The following UBXN7 variants were observed in gnomAD, a reference collection of about 807,000 sequenced individuals.
UBXN7 encodes the protein UBX domain-containing protein 7.
In UBXN7, 9 loss-of-function variants were observed where a neutral mutation model predicts 58.0. That is an observed-to-expected ratio of 0.16 (90% CI 0.09 to 0.27). The LOEUF is 0.27. Among genes scored for constraint, UBXN7 ranks in the 10% least tolerant of loss-of-function variants. The probability of loss-of-function intolerance (pLI) is 1.00; values close to 1 mark genes in which losing one functional copy is unlikely to be tolerated. For synonymous variants in UBXN7, 208 were observed against 205.0 expected (o/e 1.01, Z -0.12); for missense variants, 328 against 599.6 (o/e 0.55, Z 4.73).
chr3:196,405,681 C>A (rs1032175373), intron 2 of UBXN7, among the ~76,000 whole-genome samples: 1 of 152,056 alleles, frequency 6.6e-6, no homozygotes, highest in African/African-American at 2.4e-5. Flanking sequence ...AAGTAGTACA[C>A]TTGTCCTTAC....
At chr3:196,427,356 C>T (rs1459428413) in intron 1 of UBXN7, among the ~76,000 whole-genome samples, 1 of 152,218 alleles carries the variant, frequency 6.6e-6, no homozygotes, top group Non-Finnish European at 1.5e-5. Context: ...CTCGCTCTGT[C>T]GCCCAGGCTG....
At chr3:196,428,141 AAAAC>A (rs1350132343) in intron 1 of UBXN7, among the ~76,000 whole-genome samples, 3 of 151,758 alleles carry the variant, frequency 2.0e-5, no homozygotes, top group African/African-American at 4.8e-5. Flanking sequence ...AACAAAAACA[AAAAC>A]AAACAAAAAG....
At chr3:196,396,988 C>CAA (rs1227136151) in intron 3 of UBXN7, among the ~76,000 whole-genome samples, 4 of 152,110 alleles carry the variant, frequency 2.6e-5, no homozygotes, top group African/African-American at 9.7e-5. Flanking sequence ...TCCTTCTACC[C>CAA]AATTCCTTTT....
chr3:196,359,522 A>G (rs779359634), intron 10 of UBXN7, among the ~76,000 whole-genome samples: 5 of 152,228 alleles, frequency 3.3e-5, no homozygotes, highest in Non-Finnish European at 7.3e-5. Context: ...GACAGACACA[A>G]AGCTAGGCCT....
chr3:196,365,802 G>A (rs887557103), intron 8 of UBXN7, among the ~76,000 whole-genome samples: 9 of 151,984 alleles, frequency 5.9e-5, no homozygotes, highest in African/African-American at 1.7e-4. Context: ...AAGTAGTCAC[G>A]TATCTACCGA....
intron 5 of UBXN7, among the ~76,000 whole-genome samples, chr3:196,388,018 C>G (rs1270797254): frequency 5.3e-5 from 8 of 152,022 alleles, no homozygotes; most frequent in African/African-American, 9.7e-5. Context: ...GCACTATTCA[C>G]AACAGCAAAG....
At chr3:196,412,931 T>C (rs562694621) in intron 1 of UBXN7, among the ~76,000 whole-genome samples, 14 of 151,976 alleles carry the variant, frequency 9.2e-5, no homozygotes, top group Admixed American at 6.6e-4. Flanking sequence ...GAACAGGGAG[T>C]TCTTGTTTAA....
intron 2 of UBXN7, among the ~76,000 whole-genome samples, chr3:196,406,709 G>T (rs1055776873): frequency 2.6e-4 from 40 of 151,798 alleles, no homozygotes; most frequent in Admixed American, 3.3e-4. Context: ...CTCCCAAAGT[G>T]CCGGGATTAC....
chr3:196,416,597 G>A (rs911426996), intron 1 of UBXN7, among the ~76,000 whole-genome samples: 1 of 152,152 alleles, frequency 6.6e-6, no homozygotes, highest in South Asian at 2.1e-4. Context: ...AACTTGTGAA[G>A]TCAATCCTCA....
chr3:196,366,265 C>T (rs1728662648), intron 8 of UBXN7, among the ~76,000 whole-genome samples: 1 of 151,982 alleles, frequency 6.6e-6, no homozygotes, highest in Non-Finnish European at 1.5e-5. Context: ...GCTTATAATC[C>T]CAGCACTTCG....
chr3:196,395,229 G>T (rs966211405), intron 3 of UBXN7, among the ~76,000 whole-genome samples: 1 of 152,054 alleles, frequency 6.6e-6, no homozygotes, highest in African/African-American at 2.4e-5. Flanking sequence ...CCAATAACTC[G>T]TGTTTGTGAT....
chr3:196,416,919 T>C (rs368577078), intron 1 of UBXN7, among the ~76,000 whole-genome samples: 6 of 152,228 alleles, frequency 3.9e-5, no homozygotes, highest in African/African-American at 1.4e-4. Context: ...CACAAGTGCC[T>C]TTTTGGGGAG....
At chr3:196,369,598 C>T (rs913403468) in intron 6 of UBXN7, 87 bp from the exon 7 acceptor site, 2 of 888,216 alleles carry the variant, frequency 2.3e-6, no homozygotes, top group Non-Finnish European at 3.6e-6. Flanking sequence ...TCAATTAGCT[C>T]TCCAAATATA....
rs1470184887 is a variant in UBXN7, at chr3:196,432,323, T to C, written c.73+4A>G. ...CTCCACCTTCCGGTAACCGCGTCTC[T>C]TACCGGTAATGGTGGTGAACTGTTG... On this transcript the variant is annotated splice_donor_region_variant and intron_variant, in intron 1 of 10. Transcript: ENST00000296328. 6.2e-7 allele frequency: 1 copy of C among 1,613,380 alleles called. No individual in the cohort carries two copies. Among genetic ancestry groups the C allele is most frequent in the African/African-American group, 1.3e-5 (1 of 75,042 alleles).
chr3:196,376,919 G>A (rs777417519), intron 5 of UBXN7, among the ~76,000 whole-genome samples: 8 of 151,642 alleles, frequency 5.3e-5, no homozygotes, highest in Admixed American at 2.0e-4. Flanking sequence ...GGTGGCACAC[G>A]CCCATAATCC....
intron 5 of UBXN7, among the ~76,000 whole-genome samples, chr3:196,377,406 A>G (rs1045728564): frequency 4.6e-5 from 7 of 152,228 alleles, no homozygotes; most frequent in Non-Finnish European, 1.0e-4. Context: ...GTTTCTATTC[A>G]TATCTCATCC....
chr3:196,432,069 T>C (rs1464614581), intron 1 of UBXN7: 5 of 602,636 alleles, frequency 8.3e-6, no homozygotes, highest in Non-Finnish European at 1.5e-5. Context: ...CATTCCCAGG[T>C]CTGGGCTGGC....
intron 9 of UBXN7, 25 bp from the exon 10 acceptor site, chr3:196,361,948 A>C (rs1392783143): frequency 6.3e-7 from 1 of 1,599,192 alleles, no homozygotes. Context: ...TAAAAAAAAA[A>C]AAAAAACGGG....
chr3:196,401,810 A>G (rs1318817203), intron 3 of UBXN7, among the ~76,000 whole-genome samples: 2 of 67,096 alleles, frequency 3.0e-5, no homozygotes, highest in African/African-American at 8.9e-5. Flanking sequence ...GAAAGAAAGA[A>G]AAGAAAAGAG....
Sources: allele counts gnomAD v4.1 joint callset (sites outside exome capture counted in the v4.1 genomes callset), GRCh38; gene constraint gnomAD v4.1.1; transcripts MANE v1.5; gene names NCBI Gene and HGNC (gene_info 2026-07-23, HGNC 2026-07-21).